PAFAH1B2: variants seen among roughly 807,000 people sequenced by gnomAD.
PAFAH1B2 encodes the protein platelet activating factor acetylhydrolase 1b catalytic subunit 2, also known as platelet-activating factor acetylhydrolase IB subunit alpha2.
A neutral mutation model predicts 28.0 loss-of-function variants in PAFAH1B2; 8 were observed. The observed-to-expected ratio is 0.29, with a 90% CI of 0.17 to 0.52. The LOEUF (loss-of-function observed/expected upper bound fraction) is 0.52. PAFAH1B2 is among the 20% of genes least tolerant of loss of function. The probability of loss-of-function intolerance (pLI) is 0.97; values close to 1 mark genes in which losing one functional copy is unlikely to be tolerated. For missense variants in PAFAH1B2, 190 were observed against 282.6 expected, an observed-to-expected ratio of 0.67 and a Z score of 2.35; for synonymous variants, 104 against 103.2, an observed-to-expected ratio of 1.01 and a Z score of -0.05.
intron 1 of PAFAH1B2, among the ~76,000 whole-genome samples, chr11:117,151,543 T>G (rs1043996943): frequency 2.0e-5 from 3 of 152,014 alleles, no homozygotes; most frequent in Non-Finnish European, 2.9e-5. Flanking sequence ...TTTCTAAAAT[T>G]TTCTTAGTGG....
At chr11:117,149,996 AC>A (rs1456653259) in intron 1 of PAFAH1B2, among the ~76,000 whole-genome samples, 1 of 151,840 alleles carries the variant, frequency 6.6e-6, no homozygotes, top group African/African-American at 2.4e-5. Context: ...ACAGGCCAGG[AC>A]TTCACCTCAA....
chr11:117,154,184 A>G (rs1956215145), intron 2 of PAFAH1B2, among the ~76,000 whole-genome samples: 1 of 152,068 alleles, frequency 6.6e-6, no homozygotes, highest in Non-Finnish European at 1.5e-5. Context: ...TGGATCATTT[A>G]TACCTTTATG....
downstream of PAFAH1B2, among the ~76,000 whole-genome samples, chr11:117,177,675 C>T (rs148975071): frequency 4.0e-3 from 602 of 152,330 alleles, 4 homozygotes; most frequent in African/African-American, 0.014. Flanking sequence ...GCTGGGATTA[C>T]AGGCACGCGT....
At position 117,167,482 on chromosome 11, in the gene PAFAH1B2, A is replaced by C. The variant is rs1166830593; in HGVS notation, c.473A>C (p.Gln158Pro). 6.2e-7 allele frequency: 1 copy of C among 1,608,006 alleles called. No homozygotes were observed. Among genetic ancestry groups the C allele is most frequent in the Admixed American group, 1.7e-5 (1 of 59,444 alleles). The change falls in exon 6 of 6, where the codon CAA (glutamine) becomes CCA (proline). Residue 158 changes from glutamine (Q) to proline (P), a missense_variant. Gln to Pro is a moderately conservative substitution (Grantham distance 76, BLOSUM62 -1). Coordinates refer to ENST00000527958, the MANE Select transcript of PAFAH1B2 (RefSeq NM_002572.4). ...AGGCAAAAGAACGCCAAGGTGAACC[A>C]ACTCCTCAAGGTTTCGCTGCCGAAG... ...PLRQKNAKVN[Q>P]LLKVSLPKLA... is the part of the protein sequence containing the mutation.
chr11:117,154,159 T>C (rs1443278390), intron 2 of PAFAH1B2, among the ~76,000 whole-genome samples: 1 of 152,110 alleles, frequency 6.6e-6, no homozygotes, highest in Non-Finnish European at 1.5e-5. Context: ...GCCCATTTTT[T>C]CTTTCATGGA....
chr11:117,151,141 C>T (rs1956139938), intron 1 of PAFAH1B2, among the ~76,000 whole-genome samples: 1 of 151,678 alleles, frequency 6.6e-6, no homozygotes, highest in Non-Finnish European at 1.5e-5. Flanking sequence ...ATTTGTCTTT[C>T]TATTTATAGA....
At chr11:117,173,496 ACTT>A (rs1956716720), downstream of PAFAH1B2, among the ~76,000 whole-genome samples, 1 of 152,108 alleles carries the variant, frequency 6.6e-6, no homozygotes. Flanking sequence ...TCACTGTAGA[ACTT>A]TTTTTTTCTT....
chr11:117,145,202 C>T (rs1197747668), intron 1 of PAFAH1B2, among the ~76,000 whole-genome samples: 1 of 152,094 alleles, frequency 6.6e-6, no homozygotes, highest in Non-Finnish European at 1.5e-5. Context: ...CCTGGCTCAC[C>T]GTCCGTTTGC....
chr11:117,164,043 G>C (rs1245720975), intron 5 of PAFAH1B2, 151 bp downstream of exon 5: 1 of 731,386 alleles, frequency 1.4e-6, no homozygotes, highest in Non-Finnish European at 2.3e-6. Context: ...GTATTTTACT[G>C]TCTTACTGGT....
At chr11:117,167,063 A>G (rs1291576204) in intron 5 of PAFAH1B2, among the ~76,000 whole-genome samples, 1 of 152,188 alleles carries the variant, frequency 6.6e-6, no homozygotes, top group East Asian at 1.9e-4. Context: ...AGTTTAATGA[A>G]TTGCTTTTGG....
intron 1 of PAFAH1B2, among the ~76,000 whole-genome samples, chr11:117,149,560 G>A (rs903627501): frequency 6.7e-5 from 10 of 149,636 alleles, no homozygotes; most frequent in African/African-American, 2.5e-4. Flanking sequence ...CCAAGTAGCT[G>A]GGACTACAGG....
At chr11:117,164,958 C>CTTT (rs368887694) in intron 5 of PAFAH1B2, among the ~76,000 whole-genome samples, 8 of 132,236 alleles carry the variant, frequency 6.0e-5, no homozygotes, top group Non-Finnish European at 9.5e-5. Flanking sequence ...TTTCTTTTTT[C>CTTT]TTTTTTTTTT....
chr11:117,175,918 C>T (rs1591762010), downstream of PAFAH1B2: 3 of 1,535,608 alleles, frequency 2.0e-6, no homozygotes, highest in Admixed American at 5.9e-5. Context: ...TATTTACTGG[C>T]AAGATGAGCA....
At chr11:117,175,792 A>G (rs1414772280), downstream of PAFAH1B2, 27 of 1,148,172 alleles carry the variant, frequency 2.4e-5, no homozygotes, top group Non-Finnish European at 3.3e-5. Flanking sequence ...GCCAACTTAG[A>G]GTAGTGGTGC....
intron 2 of PAFAH1B2, among the ~76,000 whole-genome samples, chr11:117,154,268 G>A (rs866923623): frequency 2.0e-5 from 3 of 151,906 alleles, no homozygotes; most frequent in African/African-American, 4.8e-5. Context: ...CAGGTGAATC[G>A]CTTGAGCCCA....
rs1956414649 is a variant in PAFAH1B2, at chr11:117,163,195, A to G, written c.289-575A>G. Among the ~76,000 whole-genome samples the G allele has an allele frequency of 5.6e-5, 3 of 53,418 alleles. No individual in the cohort carries two copies. In the South Asian group the frequency reaches 1.2e-3, roughly 21 times the overall value. The allele number at this position is 53,418 out of a possible 152,430, so 35.0% of individuals were successfully genotyped here. ...GCATTAAGATTTCTGCCCTGGCTCA[A>G]CATTTGTAGTCCCAGCATTTTGGGA... On this transcript the variant is annotated intron_variant, in intron 4 of 5. Coordinates refer to ENST00000527958, the MANE Select transcript of PAFAH1B2 (RefSeq NM_002572.4).
intron 1 of PAFAH1B2, among the ~76,000 whole-genome samples, chr11:117,145,182 A>G (rs1258003020): frequency 1.3e-5 from 2 of 151,602 alleles, no homozygotes; most frequent in African/African-American, 4.9e-5. Flanking sequence ...GTTTGGGGGG[A>G]TGTTTTTTTC....
rs1247516501 is a variant in PAFAH1B2 at position 117,161,397 on chromosome 11, G to C, written c.288+136G>C. On this transcript the variant is annotated intron_variant, in intron 4 of 5. Transcript: ENST00000527958. Reference sequence around the variant, plus strand: ...TTTTTCGTGCCTCTTTAAGGTAAATGATACTGTCATTGCTTGAGAATATGC... The same window carrying C: ...TTTTTCGTGCCTCTTTAAGGTAAATCATACTGTCATTGCTTGAGAATATGC... The C allele has an allele frequency of 1.1e-5, 6 of 550,496 alleles. No individual in the cohort carries two copies. In the African/African-American group the frequency reaches 1.2e-4, roughly 11 times the overall value. The allele number at this position is 550,496 out of a possible 1,614,324, so 34.1% of individuals were successfully genotyped here. A position where few individuals can be genotyped will look rare whatever the true frequency, so the allele number is the denominator to read the frequency against.
intron 4 of PAFAH1B2, among the ~76,000 whole-genome samples, chr11:117,161,977 C>A (rs1268618153): frequency 1.3e-5 from 2 of 152,036 alleles, no homozygotes. Flanking sequence ...GTAATCGAGG[C>A]CTGCAAGTTC....
Sources: allele counts gnomAD v4.1 joint callset (sites outside exome capture counted in the v4.1 genomes callset), GRCh38; gene constraint gnomAD v4.1.1; transcripts MANE v1.5; gene names NCBI Gene and HGNC (gene_info 2026-07-23, HGNC 2026-07-21).